AGBL4: variants seen among roughly 807,000 people sequenced by gnomAD.
The protein encoded by AGBL4 is cytosolic carboxypeptidase 6.
In AGBL4, 58 loss-of-function variants were observed where a neutral mutation model predicts 66.4. The observed-to-expected ratio is 0.87, with a 90% confidence interval of 0.71 to 1.09. The LOEUF (loss-of-function observed/expected upper bound fraction) is 1.09, where lower values mean the gene tolerates loss of function less well. Ranked by LOEUF, AGBL4 falls within the 50% of genes least tolerant of loss-of-function variation. The pLI, the probability that AGBL4 is intolerant of heterozygous loss-of-function variation, is 0.00. For missense variants in AGBL4, 579 were observed against 631.0 expected, an observed-to-expected ratio of 0.92 and a Z score of 0.88; for synonymous variants, 234 against 222.9, an observed-to-expected ratio of 1.05 and a Z score of -0.44.
chr1:49,657,114 T>G (rs1327701575), intron 3 of AGBL4, among the ~76,000 whole-genome samples: 1 of 152,146 alleles, frequency 6.6e-6, no homozygotes, highest in Non-Finnish European at 1.5e-5. Flanking sequence ...AACCCCATCG[T>G]CTCAGACCAA....
At chr1:49,795,982 C>A (rs958413562) in intron 2 of AGBL4, among the ~76,000 whole-genome samples, 3 of 151,634 alleles carry the variant, frequency 2.0e-5, no homozygotes, top group Non-Finnish European at 4.4e-5. Flanking sequence ...AAATCATGAT[C>A]ATAAAATTAA....
rs576324648 is a variant in AGBL4 at position 49,251,502 on chromosome 1, C to T, written c.283-5638G>A. The stretch of plus-strand genomic sequence containing the variant: ...CTCACACCATTAGCAATTACTCTTG[C>T]TTGAGGGGCACAGAGAAGGCACCCA... On this transcript the variant is annotated intron_variant, in intron 3 of 13. Transcript: ENST00000371839. Among the ~76,000 whole-genome samples the T allele has an allele frequency of 4.6e-5, 7 of 152,262 alleles. No homozygotes were observed. In the South Asian group the frequency reaches 1.2e-3, roughly 27 times the overall value.
intron 8 of AGBL4, among the ~76,000 whole-genome samples, chr1:48,639,136 A>G (rs965462037): frequency 3.9e-5 from 6 of 152,226 alleles, no homozygotes; most frequent in South Asian, 2.1e-4. Flanking sequence ...CCAGCCTGCT[A>G]ATAAAAATAG....
chr1:49,295,166 C>T (rs2148433827), intron 3 of AGBL4, among the ~76,000 whole-genome samples: 1 of 152,318 alleles, frequency 6.6e-6, no homozygotes, highest in Middle Eastern at 3.4e-3. Flanking sequence ...CATTCAGTTT[C>T]TGTTAGAGTT....
intron 3 of AGBL4, among the ~76,000 whole-genome samples, chr1:49,559,470 C>T (rs1643982310): frequency 6.6e-6 from 1 of 152,096 alleles, no homozygotes; most frequent in African/African-American, 2.4e-5. Flanking sequence ...GGGTGTGTTT[C>T]TGAGGGTCTT....
intron 3 of AGBL4, among the ~76,000 whole-genome samples, chr1:49,396,963 T>G (rs1231994859): frequency 6.6e-6 from 1 of 152,142 alleles, no homozygotes; most frequent in Non-Finnish European, 1.5e-5. Context: ...TGGGGATGGT[T>G]TCAGGGTGAT....
intron 4 of AGBL4, among the ~76,000 whole-genome samples, chr1:49,066,837 C>T (rs1345856487): frequency 2.0e-5 from 3 of 152,208 alleles, no homozygotes; most frequent in African/African-American, 2.4e-5. Flanking sequence ...GACCTGGAGC[C>T]CTGCCTATGA....
chr1:49,616,985 TG>T (rs1287721450), intron 3 of AGBL4, among the ~76,000 whole-genome samples: 2 of 152,188 alleles, frequency 1.3e-5, no homozygotes, highest in African/African-American at 4.8e-5. Context: ...ATTCTTCTAT[TG>T]TACATTTTCT....
At chr1:49,267,201 GT>G (rs1423131952) in intron 3 of AGBL4, among the ~76,000 whole-genome samples, 1 of 152,172 alleles carries the variant, frequency 6.6e-6, no homozygotes, top group African/African-American at 2.4e-5. Flanking sequence ...ATGATGTGTA[GT>G]TCTGAGTCAA....
intron 5 of AGBL4, among the ~76,000 whole-genome samples, chr1:48,919,922 A>C (rs983488883): frequency 6.6e-6 from 1 of 152,228 alleles, no homozygotes; most frequent in African/African-American, 2.4e-5. Context: ...AACTCTGAGA[A>C]AAAGAAATCC....
intron 3 of AGBL4, among the ~76,000 whole-genome samples, chr1:49,553,746 AATTGT>A (rs1434369843): frequency 2.0e-5 from 3 of 152,160 alleles, no homozygotes; most frequent in African/African-American, 4.8e-5. Flanking sequence ...TTTGGGAAAA[AATTGT>A]ATTGTATGTA....
intron 2 of AGBL4, chr1:49,845,559 C>T: frequency 3.1e-6 from 5 of 1,598,924 alleles, no homozygotes; most frequent in Non-Finnish European, 4.3e-6. Context: ...ACCAGCAAAT[C>T]CACACAGGGG....
intron 1 of AGBL4, among the ~76,000 whole-genome samples, chr1:49,925,068 G>A (rs999449193): frequency 6.6e-6 from 1 of 152,204 alleles, no homozygotes; most frequent in Non-Finnish European, 1.5e-5. Context: ...GGCTAAGGGA[G>A]TGCTTACATC....
chr1:48,567,331 C>G (rs1161549025), intron 11 of AGBL4, among the ~76,000 whole-genome samples: 1 of 152,140 alleles, frequency 6.6e-6, no homozygotes, highest in Non-Finnish European at 1.5e-5. Context: ...TCCTGGGGTC[C>G]CAGAGGAAGC....
chr1:49,632,090 T>G (rs1645581259), intron 3 of AGBL4, among the ~76,000 whole-genome samples: 1 of 152,148 alleles, frequency 6.6e-6, no homozygotes, highest in Admixed American at 6.5e-5. Context: ...TCTGACATGA[T>G]TCACAACATC....
chr1:49,519,716 C>A (rs1389343399), intron 3 of AGBL4, among the ~76,000 whole-genome samples: 1 of 152,086 alleles, frequency 6.6e-6, no homozygotes, highest in East Asian at 1.9e-4. Context: ...AACTCTGATT[C>A]CCCCAAAATA....
chr1:49,375,826 A>C (rs1051081814), intron 3 of AGBL4, among the ~76,000 whole-genome samples: 1 of 152,074 alleles, frequency 6.6e-6, no homozygotes, highest in African/African-American at 2.4e-5. Context: ...CCACTCAATG[A>C]GGCTATTTCA....
chr1:49,563,840 G>A (rs1330493822), intron 3 of AGBL4, among the ~76,000 whole-genome samples: 1 of 152,150 alleles, frequency 6.6e-6, no homozygotes, highest in Non-Finnish European at 1.5e-5. Context: ...AGTTAGGGAG[G>A]ATTCCCTCTT....
chr1:49,730,633 T>C (rs924209049), intron 2 of AGBL4, among the ~76,000 whole-genome samples: 1 of 152,124 alleles, frequency 6.6e-6, no homozygotes, highest in Non-Finnish European at 1.5e-5. Flanking sequence ...ATCTAGATGC[T>C]GGCACCCAAG....
Sources: gnomAD v4.1 joint callset for allele counts (sites outside exome capture counted in the v4.1 genomes callset) on GRCh38, gnomAD v4.1.1 for gene constraint, MANE v1.5 for transcripts, NCBI Gene and HGNC (gene_info 2026-07-23, HGNC 2026-07-21) for gene names.